Variants in ANKS1B observed in about 807,000 individuals in gnomAD.
ANKS1B encodes ankyrin repeat and sterile alpha motif domain-containing protein 1B.
Under a neutral mutation model 148.3 loss-of-function variants are expected in ANKS1B, and 36 were observed. That is an observed-to-expected ratio of 0.24 (90% CI 0.19 to 0.32). The LOEUF is 0.32. Among genes scored for constraint, ANKS1B ranks in the 10% least tolerant of loss-of-function variants. The pLI is 1.00. For missense variants in ANKS1B, 1,157 were observed against 1,542.6 expected (o/e 0.75, Z 4.19); for synonymous variants, 542 against 560.8 (o/e 0.97, Z 0.47).
intron 9 of ANKS1B, chr12:99,648,830 G>C (rs765335986): frequency 1.9e-6 from 3 of 1,569,028 alleles, no homozygotes; most frequent in Non-Finnish European, 1.7e-6. Flanking sequence ...GGATGCTTTG[G>C]GGGAGAGCAG....
At chr12:99,287,471 A>G (rs1222488496) in intron 12 of ANKS1B, among the ~76,000 whole-genome samples, 1 of 152,158 alleles carries the variant, frequency 6.6e-6, no homozygotes, top group Non-Finnish European at 1.5e-5. Context: ...AAAGACTACA[A>G]TAAATACCTA....
chr12:99,514,657 C>T (rs1259491547), intron 9 of ANKS1B, among the ~76,000 whole-genome samples: 1 of 152,000 alleles, frequency 6.6e-6, no homozygotes, highest in East Asian at 1.9e-4. Flanking sequence ...GGCACCAGAT[C>T]TAGTGTTCAT....
At chr12:99,075,349 T>C (rs58254394) in intron 16 of ANKS1B, among the ~76,000 whole-genome samples, 3,434 of 152,284 alleles carry the variant, frequency 0.023, 108 homozygotes, top group African/African-American at 0.072. Flanking sequence ...GGGTCCATGA[T>C]GGAAGAAGCC....
At chr12:99,895,522 G>A (rs963806015) in intron 1 of ANKS1B, among the ~76,000 whole-genome samples, 4 of 150,744 alleles carry the variant, frequency 2.7e-5, no homozygotes, top group Non-Finnish European at 5.9e-5. Context: ...GAAAGTCAAA[G>A]CCAGGAGGTC....
At chr12:98,849,616 GA>G (rs1179607868) in intron 17 of ANKS1B, among the ~76,000 whole-genome samples, 2 of 152,010 alleles carry the variant, frequency 1.3e-5, no homozygotes, top group Non-Finnish European at 2.9e-5. Flanking sequence ...GAATTTCAGA[GA>G]AAAAAGTTTT....
At chr12:99,030,542 G>A (rs987282274) in intron 17 of ANKS1B, among the ~76,000 whole-genome samples, 2 of 150,414 alleles carry the variant, frequency 1.3e-5, no homozygotes, top group Non-Finnish European at 2.9e-5. Context: ...CATGCAGTAC[G>A]GTACCTCCTC....
chr12:98,907,676 G>C (rs934203320), intron 17 of ANKS1B, among the ~76,000 whole-genome samples: 1 of 152,144 alleles, frequency 6.6e-6, no homozygotes, highest in African/African-American at 2.4e-5. Flanking sequence ...TGTTTGGTGG[G>C]TGATATAGTT....
intron 1 of ANKS1B, among the ~76,000 whole-genome samples, chr12:99,894,039 G>A (rs1233343314): frequency 2.0e-5 from 3 of 151,972 alleles, no homozygotes; most frequent in African/African-American, 4.8e-5. Flanking sequence ...AGGCTGAAAA[G>A]TGAAAACCTG....
chr12:99,742,353 A>C (rs1383116875), intron 8 of ANKS1B, among the ~76,000 whole-genome samples: 1 of 152,134 alleles, frequency 6.6e-6, no homozygotes, highest in East Asian at 1.9e-4. Flanking sequence ...AATTAAAAAG[A>C]AAGAAAACCA....
chr12:99,546,729 G>A (rs2097175758), intron 9 of ANKS1B, among the ~76,000 whole-genome samples: 1 of 152,146 alleles, frequency 6.6e-6, no homozygotes, highest in South Asian at 2.1e-4. Context: ...CAAAGTGAAA[G>A]AAATCAGATG....
intron 15 of ANKS1B, among the ~76,000 whole-genome samples, chr12:99,149,494 A>G (rs2074255796): frequency 6.6e-6 from 1 of 152,172 alleles, no homozygotes; most frequent in Admixed American, 6.6e-5. Flanking sequence ...CTTATTCTGT[A>G]AAGGCTGCAT....
intron 1 of ANKS1B, among the ~76,000 whole-genome samples, chr12:99,917,757 C>A (rs1308302786): frequency 6.6e-6 from 1 of 152,212 alleles, no homozygotes; most frequent in Non-Finnish European, 1.5e-5. Context: ...AGCTGATGGC[C>A]AAAAGGCTCA....
chr12:98,846,921 A>G lies in ANKS1B; in HGVS notation c.2779-14785T>C, dbSNP rs554552777. Among the ~76,000 whole-genome samples, 140 of 152,316 alleles carry G rather than the reference A, an allele frequency of 9.2e-4. 1 individual carries two copies. Among genetic ancestry groups the G allele is most frequent in the African/African-American group, 3.3e-3 (136 of 41,580 alleles). On this transcript the variant is annotated intron_variant, in intron 17 of 26. Transcript: ENST00000683438. ...GAAAAAATGAAGTCTCTTTGTTTTT[A>G]TTTTCTTAAACCACTTTATTCCAGT...
intron 2 of ANKS1B, among the ~76,000 whole-genome samples, chr12:99,817,100 C>T (rs940403043): frequency 6.6e-6 from 1 of 151,562 alleles, no homozygotes; most frequent in East Asian, 1.9e-4. Context: ...GTCTACTGTA[C>T]TATCAAACAC....
chr12:99,873,571 G>T (rs1243296667), intron 1 of ANKS1B, among the ~76,000 whole-genome samples: 1 of 152,058 alleles, frequency 6.6e-6, no homozygotes, highest in Non-Finnish European at 1.5e-5. Context: ...TTTATTCTGA[G>T]TCTTCTCTTC....
chr12:99,117,066 G>A (rs1485826920), intron 15 of ANKS1B, among the ~76,000 whole-genome samples: 1 of 152,214 alleles, frequency 6.6e-6, no homozygotes, highest in African/African-American at 2.4e-5. Flanking sequence ...CTGAGACTTT[G>A]CTGAAGTTGC....
intron 9 of ANKS1B, among the ~76,000 whole-genome samples, chr12:99,608,243 G>T (rs1392682): frequency 0.7 from 106,485 of 151,834 alleles, 38,186 homozygotes; most frequent in African/African-American, 0.85. Context: ...TGTGTGCATG[G>T]GTGTGGTAAG....
intron 9 of ANKS1B, among the ~76,000 whole-genome samples, chr12:99,511,530 A>T (rs1208198525): frequency 1.3e-5 from 2 of 152,082 alleles, no homozygotes; most frequent in East Asian, 3.9e-4. Context: ...TTAAACTACC[A>T]TTGACATTCT....
intron 8 of ANKS1B, among the ~76,000 whole-genome samples, chr12:99,692,675 A>AAG (rs1482090570): frequency 6.6e-6 from 1 of 151,746 alleles, no homozygotes; most frequent in Non-Finnish European, 1.5e-5. Flanking sequence ...TGTCAAAAAA[A>AAG]AAAAAAAAAG....
Sources: allele counts gnomAD v4.1 joint callset (sites outside exome capture counted in the v4.1 genomes callset), GRCh38; gene constraint gnomAD v4.1.1; transcripts MANE v1.5; gene names NCBI Gene and HGNC (gene_info 2026-07-23, HGNC 2026-07-21).